Variants in SHANK2 observed in about 807,000 individuals in gnomAD.
SHANK2 encodes the protein SH3 and multiple ankyrin repeat domains protein 2.
SHANK2 carries 43 observed loss-of-function variants against 133.7 expected under a neutral mutation model. The ratio of observed to expected loss-of-function variants is 0.32; its 90% CI spans 0.25 to 0.41. The LOEUF (loss-of-function observed/expected upper bound fraction) is 0.41. SHANK2 is among the 10% of genes least tolerant of loss of function. SHANK2 has a pLI of 1.00. For synonymous variants in SHANK2, 1,017 were observed against 952.8 expected (o/e 1.07, Z -1.24); for missense variants, 1,994 against 2,235.8 (o/e 0.89, Z 2.18).
At chr11:71,070,479 A>G (rs36194773) in intron 9 of SHANK2, among the ~76,000 whole-genome samples, 55,828 of 152,076 alleles carry the variant, frequency 0.37, 11,728 homozygotes, top group African/African-American at 0.58. Context: ...GCACACAGGC[A>G]GGAGTTGGAA....
chr11:70,488,649 C>T (rs1430261191), intron 24 of SHANK2, among the ~76,000 whole-genome samples: 5 of 152,226 alleles, frequency 3.3e-5, no homozygotes, highest in African/African-American at 4.8e-5. Flanking sequence ...AGCCAGGCCT[C>T]AGTGAGCCCC....
intron 15 of SHANK2, among the ~76,000 whole-genome samples, chr11:70,682,855 C>A (rs1161094521): frequency 1.3e-5 from 2 of 152,054 alleles, no homozygotes; most frequent in Non-Finnish European, 2.9e-5. Context: ...AGGAGGATGA[C>A]GTGAGGATGG....
chr11:70,863,542 A>C, intron 11 of SHANK2: 1 of 458,056 alleles, frequency 2.2e-6, no homozygotes, highest in South Asian at 1.5e-5. Flanking sequence ...TCCTCATTTT[A>C]ACTCTGGATC....
At chr11:70,578,770 A>C (rs1306047495) in intron 17 of SHANK2, among the ~76,000 whole-genome samples, 1 of 152,198 alleles carries the variant, frequency 6.6e-6, no homozygotes, top group Non-Finnish European at 1.5e-5. Context: ...GAGATAACCA[A>C]GAGATTGGTT....
At chr11:70,797,637 A>G (rs957127679) in intron 14 of SHANK2, among the ~76,000 whole-genome samples, 6 of 152,154 alleles carry the variant, frequency 3.9e-5, no homozygotes, top group South Asian at 2.1e-4. Flanking sequence ...AAACAGGGCA[A>G]TGGGCCCGTT....
chr11:70,913,866 T>C (rs1433781425), intron 10 of SHANK2, among the ~76,000 whole-genome samples: 1 of 152,208 alleles, frequency 6.6e-6, no homozygotes, highest in African/African-American at 2.4e-5. Context: ...TTCATTTCCA[T>C]TTGGAAAACA....
At chr11:70,537,049 GGGGT>G (rs782096198) in intron 17 of SHANK2, among the ~76,000 whole-genome samples, 39 of 152,354 alleles carry the variant, frequency 2.6e-4, no homozygotes, top group Admixed American at 5.9e-4. Flanking sequence ...AGGCTGGGGA[GGGGT>G]GGGGGCACGG....
rs531012886 is a variant in SHANK2 at position 70,681,984 on chromosome 11, T to G, written c.1853+16704A>C. On this transcript the variant is annotated intron_variant, in intron 15 of 25. Coordinates refer to ENST00000601538, the MANE Select transcript of SHANK2 (RefSeq NM_012309.5). ...AAGGGAAACGCATCTGGGTGTGGCC[T>G]TCCCCCAGGCAAGGGGCTGCGGCTT... is the stretch of plus-strand genomic sequence containing the variant. 8.5e-4 allele frequency among the ~76,000 whole-genome samples: 130 copies of G among 152,232 alleles called. 2 individuals are homozygous for G. The highest frequency in any genetic ancestry group is 3.0e-3 in the African/African-American group (124 of 41,542).
At chr11:71,224,385 C>A (rs1245903963) in intron 2 of SHANK2, among the ~76,000 whole-genome samples, 2 of 152,168 alleles carry the variant, frequency 1.3e-5, no homozygotes, top group South Asian at 4.1e-4. Context: ...GCTGGAAGCA[C>A]CTGCACCACT....
At chr11:71,122,289 A>G (rs1555101609) in intron 3 of SHANK2, among the ~76,000 whole-genome samples, 2 of 152,248 alleles carry the variant, frequency 1.3e-5, no homozygotes, top group Non-Finnish European at 2.9e-5. Flanking sequence ...AATGTGGCAC[A>G]TATACACCAT....
intron 10 of SHANK2, among the ~76,000 whole-genome samples, chr11:70,905,302 T>C (rs1181786799): frequency 2.0e-5 from 3 of 152,148 alleles, no homozygotes; most frequent in Non-Finnish European, 4.4e-5. Flanking sequence ...GTGTGCAAAA[T>C]ACCTCCCTGG....
At chr11:71,058,941 G>A (rs957670016) in intron 9 of SHANK2, among the ~76,000 whole-genome samples, 272 of 152,352 alleles carry the variant, frequency 1.8e-3, no homozygotes, top group African/African-American at 5.9e-3. Flanking sequence ...TTGGTTGGGC[G>A]CGGTGGCTCA....
At chr11:70,925,276 T>C (rs1156811772) in intron 10 of SHANK2, among the ~76,000 whole-genome samples, 3 of 152,206 alleles carry the variant, frequency 2.0e-5, no homozygotes, top group African/African-American at 7.2e-5. Context: ...TACCCTGCTA[T>C]GTTGACTCTG....
intron 2 of SHANK2, among the ~76,000 whole-genome samples, chr11:71,192,561 T>A (rs1022346595): frequency 1.3e-5 from 2 of 152,186 alleles, no homozygotes; most frequent in Non-Finnish European, 2.9e-5. Context: ...GACCAGAACC[T>A]GAGCCTTTAT....
intron 17 of SHANK2, among the ~76,000 whole-genome samples, chr11:70,639,642 G>T (rs144250628): frequency 1.8e-3 from 268 of 152,254 alleles, no homozygotes; most frequent in Non-Finnish European, 3.4e-3. Flanking sequence ...ATTTCCATCT[G>T]ATTTTCCCAG....
At chr11:71,168,068 C>T (rs1291888565) in intron 2 of SHANK2, among the ~76,000 whole-genome samples, 7 of 141,256 alleles carry the variant, frequency 5.0e-5, no homozygotes, top group Non-Finnish European at 9.3e-5. Context: ...ACTTCTCAGA[C>T]GGGGCGGTTG....
At chr11:70,644,378 T>A (rs2061231801) in intron 17 of SHANK2, among the ~76,000 whole-genome samples, 1 of 152,110 alleles carries the variant, frequency 6.6e-6, no homozygotes, top group African/African-American at 2.4e-5. Flanking sequence ...TCTCTATGAA[T>A]GTGACGGATG....
intron 12 of SHANK2, 141 bp downstream of exon 12, chr11:70,820,223 A>C: frequency 1.8e-6 from 1 of 564,672 alleles, no homozygotes; most frequent in East Asian, 3.0e-5. Flanking sequence ...AGTGAGCAAA[A>C]CTCAGGCATG....
At chr11:71,244,024 T>TA (rs1555124709) in intron 1 of SHANK2, among the ~76,000 whole-genome samples, 1 of 152,212 alleles carries the variant, frequency 6.6e-6, no homozygotes, top group African/African-American at 2.4e-5. Context: ...ATGAGGCCAG[T>TA]ATTACTCTGA....
Sources: allele counts gnomAD v4.1 joint callset (sites outside exome capture counted in the v4.1 genomes callset), GRCh38; gene constraint gnomAD v4.1.1; transcripts MANE v1.5; gene names NCBI Gene and HGNC (gene_info 2026-07-23, HGNC 2026-07-21).